The following RIMKLB variants were observed in gnomAD, a reference collection of about 807,000 sequenced individuals.
RIMKLB encodes the protein beta-citrylglutamate synthase B.
Under a neutral mutation model 32.0 loss-of-function variants are expected in RIMKLB, and 7 were observed. The observed-to-expected ratio is 0.22, with a 90% confidence interval of 0.12 to 0.41. The LOEUF (loss-of-function observed/expected upper bound fraction) is 0.41. Among genes scored for constraint, RIMKLB ranks in the 10% least tolerant of loss-of-function variants. RIMKLB has a pLI of 1.00. For missense variants in RIMKLB, 289 were observed against 498.7 expected (o/e 0.58, Z 4.00); for synonymous variants, 172 against 185.1 (o/e 0.93, Z 0.57).
chr12:8,727,319 C>G (rs111685867), intron 2 of RIMKLB, among the ~76,000 whole-genome samples: 1 of 152,186 alleles, frequency 6.6e-6, no homozygotes, highest in East Asian at 1.9e-4. Context: ...ACTGCAACCT[C>G]TGCCTCCCAG....
At chr12:8,681,819 G>A (rs1156521787) in intron 1 of RIMKLB, 2 of 152,150 alleles carry the variant, frequency 1.3e-5, no homozygotes, top group Non-Finnish European at 2.9e-5. Flanking sequence ...TAATCAACTG[G>A]TAAGTAATAT....
intron 1 of RIMKLB, among the ~76,000 whole-genome samples, chr12:8,683,810 C>T (rs778539793): frequency 2.6e-5 from 4 of 152,088 alleles, no homozygotes; most frequent in African/African-American, 4.8e-5. Context: ...TGTGGTGGCA[C>T]GATCTCGGCT....
At chr12:8,752,816 C>G (rs1948729650) in intron 4 of RIMKLB, among the ~76,000 whole-genome samples, 1 of 151,856 alleles carries the variant, frequency 6.6e-6, no homozygotes, top group South Asian at 2.1e-4. Context: ...TTTCAGCTCA[C>G]TGCAACCTCT....
At chr12:8,761,374 ATTTG>A (rs914205853) in intron 5 of RIMKLB, among the ~76,000 whole-genome samples, 2 of 151,712 alleles carry the variant, frequency 1.3e-5, no homozygotes, top group Non-Finnish European at 2.9e-5. Context: ...AAATTACCGA[ATTTG>A]TTTTTTTCAT....
upstream of RIMKLB, among the ~76,000 whole-genome samples, chr12:8,676,916 T>C (rs1942346471): frequency 6.6e-6 from 1 of 151,964 alleles, no homozygotes; most frequent in African/African-American, 2.4e-5. Flanking sequence ...TTCTCCACCA[T>C]CTAGGGGCCA....
At chr12:8,711,531 TTTA>T (rs989466814) in intron 1 of RIMKLB, among the ~76,000 whole-genome samples, 47 of 152,260 alleles carry the variant, frequency 3.1e-4, no homozygotes, top group African/African-American at 7.7e-4. Flanking sequence ...ACTTTTTTTT[TTTA>T]TTATTATAAG....
chr12:8,772,222 A>C (rs1188840639), intron 5 of RIMKLB, among the ~76,000 whole-genome samples: 2 of 152,132 alleles, frequency 1.3e-5, no homozygotes, highest in East Asian at 3.9e-4. Flanking sequence ...TCACATTTTT[A>C]GCTATGCTTT....
At chr12:8,748,558 G>GTGTA (rs61024080) in intron 2 of RIMKLB, among the ~76,000 whole-genome samples, 1 of 56,264 alleles carries the variant, frequency 1.8e-5, no homozygotes, top group South Asian at 6.3e-4. Context: ...GTGTGTGTGT[G>GTGTA]CATATATATA....
intron 2 of RIMKLB, among the ~76,000 whole-genome samples, chr12:8,719,892 G>A (rs1209725577): frequency 1.3e-5 from 2 of 152,192 alleles, no homozygotes; most frequent in Non-Finnish European, 2.9e-5. Flanking sequence ...GTCAACTCCT[G>A]AGGTTCTTGT....
chr12:8,766,491 G>A (rs767710759), intron 5 of RIMKLB, among the ~76,000 whole-genome samples: 2 of 152,312 alleles, frequency 1.3e-5, no homozygotes, highest in East Asian at 1.9e-4. Flanking sequence ...CAGAGAGGGT[G>A]TAGGTAACCT....
intron 5 of RIMKLB, among the ~76,000 whole-genome samples, chr12:8,773,040 T>G (rs914148786): frequency 1.3e-5 from 2 of 151,810 alleles, no homozygotes; most frequent in Non-Finnish European, 2.9e-5. Context: ...GGTCTAATTG[T>G]ATTTATGCTG....
At chr12:8,709,250 T>C (rs1944161888) in intron 1 of RIMKLB, among the ~76,000 whole-genome samples, 1 of 152,250 alleles carries the variant, frequency 6.6e-6, no homozygotes, top group Admixed American at 6.5e-5. Flanking sequence ...TCTGGATCAT[T>C]AGCAGGACTG....
chr12:8,711,754 T>C (rs1361504544), intron 1 of RIMKLB, among the ~76,000 whole-genome samples: 1 of 152,072 alleles, frequency 6.6e-6, no homozygotes, highest in East Asian at 1.9e-4. Context: ...CTGGCGTGAC[T>C]TTTTCTTTTG....
intron 2 of RIMKLB, among the ~76,000 whole-genome samples, chr12:8,714,859 A>G (rs1244553621): frequency 6.6e-6 from 1 of 152,218 alleles, no homozygotes; most frequent in African/African-American, 2.4e-5. Context: ...TAGTATAAAT[A>G]CATTTTAGAT....
intron 3 of RIMKLB, among the ~76,000 whole-genome samples, chr12:8,750,925 A>C (rs1220317270): frequency 6.6e-6 from 1 of 152,194 alleles, no homozygotes; most frequent in East Asian, 1.9e-4. Context: ...ATAAATATCC[A>C]GTAGAGTGCT....
chr12:8,734,770 T>A (rs1946843998), intron 2 of RIMKLB, among the ~76,000 whole-genome samples: 1 of 152,022 alleles, frequency 6.6e-6, no homozygotes, highest in African/African-American at 2.4e-5. Flanking sequence ...GGTTAACTTG[T>A]ATTCCAAATT....
At chr12:8,723,066 A>G (rs191110470) in intron 2 of RIMKLB, among the ~76,000 whole-genome samples, 4 of 152,332 alleles carry the variant, frequency 2.6e-5, no homozygotes, top group Admixed American at 2.6e-4. Flanking sequence ...ATTTCCTTCA[A>G]GCACTTTTCC....
At chr12:8,674,240 CTT>C in the RIMKLB span, among the ~76,000 whole-genome samples, 84 of 124,416 alleles carry the variant, frequency 6.8e-4, no homozygotes, top group African/African-American at 2.2e-3. Flanking sequence ...TTTTTTTTTC[CTT>C]TTTTTTTTTT....
At chr12:8,746,418 G>C (rs775920628) in intron 2 of RIMKLB, among the ~76,000 whole-genome samples, 1 of 151,532 alleles carries the variant, frequency 6.6e-6, no homozygotes, top group South Asian at 2.1e-4. Context: ...GGCCAACATG[G>C]TGAAACCCCA....
Sources: gnomAD v4.1 joint callset for allele counts (sites outside exome capture counted in the v4.1 genomes callset) on GRCh38, gnomAD v4.1.1 for gene constraint, MANE v1.5 for transcripts, NCBI Gene and HGNC (gene_info 2026-07-23, HGNC 2026-07-21) for gene names.